WSCD2: variants seen among roughly 807,000 people sequenced by gnomAD.
The protein encoded by WSCD2 is WSC domain sialate O sulfotransferase 2.
WSCD2 carries 28 observed loss-of-function variants against 55.7 expected under a neutral mutation model. The ratio of observed to expected loss-of-function variants is 0.50; its 90% CI spans 0.37 to 0.69. The LOEUF (loss-of-function observed/expected upper bound fraction) is 0.69, where lower values mean the gene tolerates loss of function less well. WSCD2 is among the 30% of genes least tolerant of loss of function. The probability of loss-of-function intolerance (pLI) is 0.00; values close to 1 mark genes in which losing one functional copy is unlikely to be tolerated. For missense variants in WSCD2, 616 were observed against 762.1 expected (o/e 0.81, Z 2.26); for synonymous variants, 301 against 301.9 (o/e 1.00, Z 0.03).
intron 1 of WSCD2, among the ~76,000 whole-genome samples, chr12:108,144,235 C>T (rs1036117767): frequency 2.6e-5 from 4 of 152,142 alleles, no homozygotes; most frequent in Non-Finnish European, 5.9e-5. Flanking sequence ...TATGGATGAC[C>T]TCAAAAGACA....
At chr12:108,208,877 C>T (rs2137096113) in intron 3 of WSCD2, among the ~76,000 whole-genome samples, 1 of 152,320 alleles carries the variant, frequency 6.6e-6, no homozygotes, top group South Asian at 2.1e-4. Flanking sequence ...CACTGCCCTC[C>T]TGGATATTAT....
At chr12:108,245,499 C>A (rs1227826612) in intron 8 of WSCD2, among the ~76,000 whole-genome samples, 1 of 152,228 alleles carries the variant, frequency 6.6e-6, no homozygotes, top group Non-Finnish European at 1.5e-5. Flanking sequence ...ACTGGGATAC[C>A]TGGAGCTACC....
At chr12:108,149,163 T>C (rs1877705597) in intron 1 of WSCD2, among the ~76,000 whole-genome samples, 1 of 152,190 alleles carries the variant, frequency 6.6e-6, no homozygotes, top group Admixed American at 6.5e-5. Flanking sequence ...TCTTTGTCCT[T>C]AACCTTGATC....
Position 108,201,534 on chromosome 12 carries a change from G to A in WSCD2, c.383-4755G>A, listed in dbSNP as rs567307278. Among the ~76,000 whole-genome samples, 10 of 151,666 alleles carry A rather than the reference G, an allele frequency of 6.6e-5. No individual in the cohort carries two copies. In the East Asian group the frequency reaches 1.6e-3, roughly 24 times the overall value. ...GGGGTGTGGGTGGGGGGCGGGACAG[G>A]GCACACAATTCAGCCTGACAACCCT... On this transcript the variant is annotated intron_variant, in intron 2 of 8. Coordinates refer to ENST00000547525, the MANE Select transcript of WSCD2 (RefSeq NM_014653.4).
intron 1 of WSCD2, among the ~76,000 whole-genome samples, chr12:108,154,140 C>T (rs984335344): frequency 2.0e-5 from 3 of 152,156 alleles, no homozygotes; most frequent in African/African-American, 7.2e-5. Context: ...CCTGGAGTTG[C>T]GAAGGGTGTA....
chr12:108,205,179 C>T (rs1885183794), intron 2 of WSCD2, among the ~76,000 whole-genome samples: 1 of 152,174 alleles, frequency 6.6e-6, no homozygotes, highest in Non-Finnish European at 1.5e-5. Context: ...AAAGATCCCC[C>T]AACTCAAAAA....
intron 1 of WSCD2, among the ~76,000 whole-genome samples, chr12:108,150,913 C>T (rs1353486103): frequency 3.3e-5 from 5 of 152,174 alleles, no homozygotes; most frequent in South Asian, 4.2e-4. Flanking sequence ...AGCCTGGCTT[C>T]GGTCCCCACC....
chr12:108,187,904 C>G (rs539946635), intron 1 of WSCD2, among the ~76,000 whole-genome samples: 1 of 152,290 alleles, frequency 6.6e-6, no homozygotes, highest in African/African-American at 2.4e-5. Context: ...CGTGGCCATT[C>G]CTGTCCATAG....
chr12:108,196,179 A>G lies in WSCD2; in HGVS notation c.347A>G (p.Lys116Arg), dbSNP rs1883899056. The G allele has an allele frequency of 6.2e-7, 1 of 1,613,988 alleles. No homozygotes were observed. The highest frequency in any genetic ancestry group is 1.3e-5 in the African/African-American group (1 of 75,034). ...DYGGAWSRAL[K>R]GRVVREKEEE... ...GGTGGAGCCTGGAGCCGAGCCCTCA[A>G]GGGGAGGGTTGTCCGGGAGAAGGAG... Residue 116 changes from lysine (K) to arginine (R), a missense_variant, in exon 2 of 9, where the codon AAG (lysine) becomes AGG (arginine). Lys to Arg is a conservative substitution (Grantham distance 26). Around this residue, in one of 3 missense-constraint regions of WSCD2, gnomAD observed 374 missense variants for 467.4 expected, o/e 0.80. Transcript: ENST00000547525.
chr12:108,179,732 T>C (rs1009455773), intron 1 of WSCD2, among the ~76,000 whole-genome samples: 2 of 152,220 alleles, frequency 1.3e-5, no homozygotes, highest in Non-Finnish European at 2.9e-5. Flanking sequence ...CAGCCCTAGG[T>C]TGAAATTCCA....
intron 1 of WSCD2, among the ~76,000 whole-genome samples, chr12:108,148,004 A>G (rs1477642904): frequency 1.3e-5 from 2 of 152,138 alleles, no homozygotes; most frequent in African/African-American, 2.4e-5. Flanking sequence ...TCTTTTCTCC[A>G]TAACTCTTAT....
At chr12:108,153,465 T>C (rs991354647) in intron 1 of WSCD2, among the ~76,000 whole-genome samples, 1 of 152,234 alleles carries the variant, frequency 6.6e-6, no homozygotes, top group Non-Finnish European at 1.5e-5. Flanking sequence ...GTGCTGCGTC[T>C]GCATTTTCTG....
intron 1 of WSCD2, among the ~76,000 whole-genome samples, chr12:108,141,851 G>A (rs1257118337): frequency 6.6e-6 from 1 of 152,240 alleles, no homozygotes; most frequent in South Asian, 2.1e-4. Context: ...AAGTAAAGTG[G>A]AGTTGAATGA....
chr12:108,180,723 T>A (rs925159540), intron 1 of WSCD2, among the ~76,000 whole-genome samples: 2 of 152,212 alleles, frequency 1.3e-5, no homozygotes, highest in Non-Finnish European at 2.9e-5. Context: ...AGCTTGAGCC[T>A]CCTCCAACTC....
At chr12:108,204,275 C>A (rs564404553) in intron 2 of WSCD2, among the ~76,000 whole-genome samples, 1 of 152,124 alleles carries the variant, frequency 6.6e-6, no homozygotes, top group Non-Finnish European at 1.5e-5. Context: ...GATCTGCTGA[C>A]AAAAACTTCA....
chr12:108,244,212 G>A (rs540713000), intron 8 of WSCD2, among the ~76,000 whole-genome samples: 3 of 152,144 alleles, frequency 2.0e-5, no homozygotes, highest in African/African-American at 7.2e-5. Flanking sequence ...TGGCTTTATT[G>A]CCCAGTTTGC....
intron 1 of WSCD2, among the ~76,000 whole-genome samples, chr12:108,162,281 C>T (rs576180831): frequency 3.9e-5 from 6 of 152,268 alleles, no homozygotes; most frequent in African/African-American, 7.2e-5. Flanking sequence ...CACATCTCTC[C>T]GGAAGCTCTT....
chr12:108,162,062 A>G (rs1863508), intron 1 of WSCD2, among the ~76,000 whole-genome samples: 120,556 of 152,144 alleles, frequency 0.79, 48,110 homozygotes, highest in East Asian at 0.91. Context: ...CTTGCCCAAC[A>G]TTGCACAGAA....
intron 2 of WSCD2, 48 bp downstream of exon 2, chr12:108,196,262 G>A (rs991434389): frequency 5.2e-6 from 8 of 1,540,702 alleles, no homozygotes; most frequent in Non-Finnish European, 7.0e-6. Context: ...GAGAAGGGAG[G>A]AGATACTAAC....
Sources: allele counts gnomAD v4.1 joint callset (sites outside exome capture counted in the v4.1 genomes callset), GRCh38; gene constraint gnomAD v4.1.1; regional missense constraint gnomAD v4.1.1; transcripts MANE v1.5; gene names NCBI Gene and HGNC (gene_info 2026-07-23, HGNC 2026-07-21).